The following TMEM132C variants were observed in gnomAD, a reference collection of about 807,000 sequenced individuals.
TMEM132C encodes protein phosphatase 1, regulatory subunit 152.
Under a neutral mutation model 61.4 loss-of-function variants are expected in TMEM132C, and 29 were observed. That is an observed-to-expected ratio of 0.47 (90% confidence interval 0.35 to 0.64). The LOEUF is 0.64. Ranked by LOEUF, TMEM132C falls within the 30% of genes least tolerant of loss-of-function variation. TMEM132C has a pLI of 0.00. For missense variants in TMEM132C, 1,408 were observed against 1,476.9 expected, an observed-to-expected ratio of 0.95 and a Z score of 0.76; for synonymous variants, 656 against 633.1, an observed-to-expected ratio of 1.04 and a Z score of -0.54.
At chr12:128,386,634 C>G (rs74633149) in intron 1 of TMEM132C, among the ~76,000 whole-genome samples, 1 of 152,178 alleles carries the variant, frequency 6.6e-6, no homozygotes, top group Non-Finnish European at 1.5e-5. Flanking sequence ...TGGGATTGTT[C>G]TACACGTGTG....
intron 1 of TMEM132C, among the ~76,000 whole-genome samples, chr12:128,293,464 A>T (rs1016158295): frequency 6.7e-5 from 10 of 148,490 alleles, no homozygotes; most frequent in Admixed American, 1.3e-4. Flanking sequence ...TTCTAGAGCT[A>T]CCTCCTTACA....
chr12:128,322,420 G>A (rs112310214), intron 1 of TMEM132C, among the ~76,000 whole-genome samples: 3 of 152,228 alleles, frequency 2.0e-5, no homozygotes, highest in African/African-American at 7.2e-5. Context: ...TGAAATAAAT[G>A]TTGCTTTAAG....
At chr12:128,483,326 A>AGGGGAGGAGAGGGGAGGAGGGGGGAG (rs1871378854) in intron 2 of TMEM132C, among the ~76,000 whole-genome samples, 2 of 3,970 alleles carry the variant, frequency 5.0e-4, no homozygotes, top group Non-Finnish European at 1.0e-3. Flanking sequence ...AGAGGAGGGG[A>AGGGGAGGAGAGGGGAGGAGGGGGGAG]GGGTGGAGGA....
chr12:128,520,386 T>G (rs1872861212), intron 2 of TMEM132C, among the ~76,000 whole-genome samples: 1 of 152,216 alleles, frequency 6.6e-6, no homozygotes, highest in Non-Finnish European at 1.5e-5. Flanking sequence ...TGAATGGATG[T>G]GAGCAAAAGA....
At chr12:128,312,456 C>T (rs1251613310) in intron 1 of TMEM132C, among the ~76,000 whole-genome samples, 2 of 152,118 alleles carry the variant, frequency 1.3e-5, no homozygotes, top group African/African-American at 4.8e-5. Context: ...CAACCGCCCA[C>T]CAACACACCT....
chr12:128,523,821 A>G (rs886359073), intron 2 of TMEM132C, among the ~76,000 whole-genome samples: 29 of 151,618 alleles, frequency 1.9e-4, no homozygotes, highest in Middle Eastern at 6.8e-3. Context: ...GAAAAAAAAA[A>G]AAAAAAAGAG....
intron 1 of TMEM132C, among the ~76,000 whole-genome samples, chr12:128,372,536 T>C (rs1033059380): frequency 1.7e-4 from 26 of 152,062 alleles, no homozygotes. Flanking sequence ...CTTAGCTAAA[T>C]TGGGGATGTC....
rs1045210670 is a variant in TMEM132C, at chr12:128,606,649, G to A, written c.1122-9503G>A. Among the ~76,000 whole-genome samples the A allele has an allele frequency of 8.6e-5, 13 of 151,218 alleles. No homozygotes were observed. In the East Asian group the frequency reaches 2.5e-3, roughly 29 times the overall value. ...GCAGAGGGGCCCCTAGTGTGTCACA[G>A]CCTCTGTCAAGGCCTGTGTGTGACA... On this transcript the variant is annotated intron_variant, in intron 3 of 8. Coordinates refer to ENST00000435159, the MANE Select transcript of TMEM132C (RefSeq NM_001136103.3).
intron 1 of TMEM132C, among the ~76,000 whole-genome samples, chr12:128,350,388 C>T (rs956524622): frequency 1.5e-4 from 23 of 152,026 alleles, no homozygotes; most frequent in Non-Finnish European, 2.6e-4. Flanking sequence ...GAGGACAGAG[C>T]GTGACGGGGC....
chr12:128,409,338 G>A (rs558465320), intron 1 of TMEM132C, among the ~76,000 whole-genome samples: 2 of 152,132 alleles, frequency 1.3e-5, no homozygotes, highest in Non-Finnish European at 2.9e-5. Flanking sequence ...TGAGCCCCCA[G>A]TATTCAGCAA....
chr12:128,693,547 G>A (rs1462055572), intron 5 of TMEM132C, among the ~76,000 whole-genome samples: 1 of 152,056 alleles, frequency 6.6e-6, no homozygotes, highest in Admixed American at 6.6e-5. Flanking sequence ...TTTTCATGAA[G>A]CCTCTGAAAA....
intron 1 of TMEM132C, among the ~76,000 whole-genome samples, chr12:128,348,708 C>T (rs1403013122): frequency 6.6e-6 from 1 of 152,178 alleles, no homozygotes; most frequent in African/African-American, 2.4e-5. Flanking sequence ...ACCAAGAAGA[C>T]CTGGTAATCC....
At chr12:128,438,143 A>C (rs1869662749) in intron 2 of TMEM132C, 1 of 152,126 alleles carries the variant, frequency 6.6e-6, no homozygotes, top group South Asian at 2.1e-4. Flanking sequence ...GTCCAAAAAA[A>C]ATTCCTTCTT....
chr12:128,706,358 G>A lies in TMEM132C; in HGVS notation c.*63G>A. ...TTGTACTGGAAACTGGCCCAAGTGG[G>A]GCAGAAGGCGTTGTCAGTGGGGTTA... On this transcript the variant is annotated 3_prime_UTR_variant, in exon 9 of 9. Transcript: ENST00000435159. 1 of 1,448,092 alleles carries A rather than the reference G, an allele frequency of 6.9e-7. No homozygotes were observed. Among genetic ancestry groups the A allele is most frequent in the Non-Finnish European group, 9.1e-7 (1 of 1,103,494 alleles). The allele number at this position is 1,448,092 out of a possible 1,614,324, so 89.7% of individuals were successfully genotyped here. A position where few individuals can be genotyped will look rare whatever the true frequency, so the allele number is the denominator to read the frequency against.
chr12:128,532,949 T>G (rs1873371932), intron 2 of TMEM132C, among the ~76,000 whole-genome samples: 1 of 152,178 alleles, frequency 6.6e-6, no homozygotes, highest in South Asian at 2.1e-4. Context: ...TGAAGGCCTT[T>G]GGAATACTGA....
intron 2 of TMEM132C, among the ~76,000 whole-genome samples, chr12:128,423,858 C>T (rs1299004820): frequency 6.6e-6 from 1 of 151,310 alleles, no homozygotes; most frequent in African/African-American, 2.4e-5. Flanking sequence ...ATGGTGAAAC[C>T]CCATCTCTAC....
At position 128,706,280 on chromosome 12, in the gene TMEM132C, C is replaced by CAA; in HGVS notation, c.3314_3315dup (p.Asp1106LysfsTer8). ...AACTTAGAAACTATCTGGAGAAACT[C>CAA]AAAGATAAGGCTTAGGCCCCTCTAG... On this transcript the variant is annotated frameshift_variant, in exon 9 of 9. Coordinates refer to ENST00000435159, the MANE Select transcript of TMEM132C (RefSeq NM_001136103.3). LOFTEE classifies it high-confidence loss of function. 6.5e-7 allele frequency: 1 copy of CAA among 1,543,424 alleles called. No individual in the cohort carries two copies. The highest frequency in any genetic ancestry group is 8.8e-7 in the Non-Finnish European group (1 of 1,142,272).
At chr12:128,616,382 T>G (rs755277975) in intron 4 of TMEM132C, 47 bp downstream of exon 4, 829 of 1,499,836 alleles carry the variant, frequency 5.5e-4, no homozygotes, top group Non-Finnish European at 7.2e-4. Context: ...GCCACCTGAC[T>G]GCATCCTGTG....
At chr12:128,664,029 C>T (rs112118375) in intron 4 of TMEM132C, among the ~76,000 whole-genome samples, 56 of 137,440 alleles carry the variant, frequency 4.1e-4, no homozygotes, top group Admixed American at 8.1e-4. Flanking sequence ...CACAGGCACA[C>T]GCACCCACAC....
Sources: allele counts gnomAD v4.1 joint callset (sites outside exome capture counted in the v4.1 genomes callset), GRCh38; gene constraint gnomAD v4.1.1; transcripts MANE v1.5; gene names NCBI Gene and HGNC (gene_info 2026-07-23, HGNC 2026-07-21).